Variants in PSD3 observed in about 807,000 individuals in gnomAD.
PSD3 encodes the protein PH and SEC7 domain-containing protein 3.
A neutral mutation model predicts 105.5 loss-of-function variants in PSD3; 49 were observed. The ratio of observed to expected loss-of-function variants is 0.46; its 90% confidence interval spans 0.37 to 0.59. PSD3 has a LOEUF of 0.59. PSD3 is among the 20% of genes least tolerant of loss of function. The pLI is 0.00. For missense variants in PSD3, 1,561 were observed against 1,263.8 expected, an observed-to-expected ratio of 1.24 and a Z score of -3.57; for synonymous variants, 557 against 457.8, an observed-to-expected ratio of 1.22 and a Z score of -2.77.
chr8:19,019,735 G>A (rs1348052156), intron 1 of PSD3, among the ~76,000 whole-genome samples: 2 of 152,152 alleles, frequency 1.3e-5, no homozygotes, highest in Non-Finnish European at 2.9e-5. Context: ...AAAAGCTCAA[G>A]ATGAAGCTGA....
chr8:18,892,397 G>A (rs1174659105), intron 2 of PSD3, among the ~76,000 whole-genome samples: 1 of 150,812 alleles, frequency 6.6e-6, no homozygotes, highest in African/African-American at 2.4e-5. Flanking sequence ...CTAATTTTTT[G>A]TATTTTTAGT....
intron 9 of PSD3, among the ~76,000 whole-genome samples, chr8:18,709,098 G>A (rs1475653385): frequency 6.6e-6 from 1 of 152,152 alleles, no homozygotes; most frequent in African/African-American, 2.4e-5. Flanking sequence ...AGACTAAGAT[G>A]ACCAAGTTCT....
chr8:18,949,605 C>T (rs1823114698), intron 1 of PSD3, among the ~76,000 whole-genome samples: 2 of 152,074 alleles, frequency 1.3e-5, no homozygotes, highest in African/African-American at 4.8e-5. Flanking sequence ...GAAGTCAGGT[C>T]ACTCAGTGGA....
intron 10 of PSD3, among the ~76,000 whole-genome samples, chr8:18,643,870 C>T (rs566752375): frequency 6.6e-6 from 1 of 152,330 alleles, no homozygotes; most frequent in South Asian, 2.1e-4. Context: ...GCAGAATTAG[C>T]ACCACATGGA....
intron 15 of PSD3, among the ~76,000 whole-genome samples, chr8:18,539,620 T>C (rs564566276): frequency 1.3e-5 from 2 of 150,464 alleles, no homozygotes; most frequent in African/African-American, 4.9e-5. Context: ...CGATCTCGGC[T>C]CACTGCAACC....
At chr8:18,897,800 G>A (rs1228173103) in intron 2 of PSD3, among the ~76,000 whole-genome samples, 1 of 151,886 alleles carries the variant, frequency 6.6e-6, no homozygotes. Flanking sequence ...TTCTTTTTCT[G>A]CTATTTGAAT....
intron 4 of PSD3, among the ~76,000 whole-genome samples, chr8:18,845,293 T>C (rs990022828): frequency 9.2e-5 from 14 of 152,158 alleles, no homozygotes; most frequent in African/African-American, 3.1e-4. Context: ...ACGGCTGTCA[T>C]CTCAGTAGTG....
chr8:18,873,054 A>C (rs1817496576), intron 2 of PSD3, among the ~76,000 whole-genome samples: 1 of 152,192 alleles, frequency 6.6e-6, no homozygotes, highest in Non-Finnish European at 1.5e-5. Flanking sequence ...AAGGGGTTAC[A>C]ATAAGGATAT....
At chr8:18,751,935 G>C (rs1300739075) in intron 9 of PSD3, among the ~76,000 whole-genome samples, 1 of 148,396 alleles carries the variant, frequency 6.7e-6, no homozygotes, top group Non-Finnish European at 1.5e-5. Flanking sequence ...AGCACTTTGG[G>C]AGGCCGAGGT....
chr8:18,721,506 T>C (rs997052942), intron 9 of PSD3, among the ~76,000 whole-genome samples: 3 of 152,196 alleles, frequency 2.0e-5, no homozygotes, highest in African/African-American at 4.8e-5. Context: ...GTTAAAAAGA[T>C]TGACGTTTAT....
At chr8:18,981,897 G>GACTGATCAGGTGACTGATCAC in intron 1 of PSD3, among the ~76,000 whole-genome samples, 1 of 152,312 alleles carries the variant, frequency 6.6e-6, no homozygotes, top group East Asian at 1.9e-4. Context: ...GGTGGTAGCT[G>GACTGATCAGGTGACTGATCAC]CTGAAGGCTG....
rs558930516 is a variant in PSD3, at chr8:19,038,995, C to T, written c.324+45211G>A. ...CTGGGTCCAAATCCAGGCAGTTCAA[C>T]TCCAGAGCTCTTAACCACTAAGCCC... On this transcript the variant is annotated intron_variant, in intron 1 of 1. Coordinates refer to the PSD3 transcript ENST00000521475. Among the ~76,000 whole-genome samples the T allele has an allele frequency of 3.3e-5, 5 of 152,308 alleles. No individual in the cohort carries two copies. In the South Asian group the frequency reaches 1.0e-3, roughly 32 times the overall value.
chr8:18,616,456 T>C (rs1391195519), intron 11 of PSD3, among the ~76,000 whole-genome samples: 1 of 152,140 alleles, frequency 6.6e-6, no homozygotes, highest in Non-Finnish European at 1.5e-5. Flanking sequence ...TTCCCTCGTC[T>C]GGATCTAGGA....
intron 11 of PSD3, 73 bp downstream of exon 11, chr8:18,632,540 G>A: frequency 6.8e-7 from 1 of 1,481,320 alleles, no homozygotes; most frequent in Non-Finnish European, 9.2e-7. Flanking sequence ...TTGACTTTCA[G>A]ATAAATTCCC....
chr8:18,778,295 C>T (rs77492095), intron 8 of PSD3, among the ~76,000 whole-genome samples: 2,171 of 152,208 alleles, frequency 0.014, 60 homozygotes, highest in African/African-American at 0.05. Context: ...AGACACACTG[C>T]TGAGTTGTGT....
intron 11 of PSD3, among the ~76,000 whole-genome samples, chr8:18,607,639 G>A (rs1020972759): frequency 1.4e-5 from 2 of 145,150 alleles, no homozygotes; most frequent in African/African-American, 5.1e-5. Context: ...TGGGCACGGT[G>A]GCTCACGCCT....
At chr8:18,646,333 T>A (rs968507750) in intron 10 of PSD3, among the ~76,000 whole-genome samples, 1 of 152,192 alleles carries the variant, frequency 6.6e-6, no homozygotes, top group African/African-American at 2.4e-5. Flanking sequence ...AACAATTTTA[T>A]ATATCTATAT....
intron 1 of PSD3, among the ~76,000 whole-genome samples, chr8:19,002,999 T>A (rs1185721309): frequency 6.6e-6 from 1 of 152,086 alleles, no homozygotes; most frequent in Non-Finnish European, 1.5e-5. Context: ...AGGTCACATT[T>A]ACTGCCTACT....
chr8:18,608,916 C>T (rs1189552301), intron 11 of PSD3, among the ~76,000 whole-genome samples: 2 of 152,142 alleles, frequency 1.3e-5, no homozygotes, highest in African/African-American at 2.4e-5. Flanking sequence ...ATTCAAATGG[C>T]AGAGCATTTG....
Sources: gnomAD v4.1 joint callset for allele counts (sites outside exome capture counted in the v4.1 genomes callset) on GRCh38, gnomAD v4.1.1 for gene constraint, MANE v1.5 for transcripts, NCBI Gene and HGNC (gene_info 2026-07-23, HGNC 2026-07-21) for gene names.